CCNY: variants seen among roughly 807,000 people sequenced by gnomAD.
CCNY encodes the protein cyclin-Y.
A neutral mutation model predicts 42.8 loss-of-function variants in CCNY; 19 were observed. The observed-to-expected ratio is 0.44, with a 90% confidence interval of 0.31 to 0.65. The LOEUF (loss-of-function observed/expected upper bound fraction) is 0.65, where lower values mean the gene tolerates loss of function less well. CCNY is among the 30% of genes least tolerant of loss of function. The probability of loss-of-function intolerance (pLI) is 0.07; values close to 1 mark genes in which losing one functional copy is unlikely to be tolerated. For missense variants in CCNY, 370 were observed against 437.3 expected, an observed-to-expected ratio of 0.85 and a Z score of 1.37; for synonymous variants, 165 against 162.7, an observed-to-expected ratio of 1.01 and a Z score of -0.11.
chr10:35,324,798 C>T (rs1835860665), intron 3 of CCNY, among the ~76,000 whole-genome samples: 1 of 152,082 alleles, frequency 6.6e-6, no homozygotes, highest in Admixed American at 6.5e-5. Flanking sequence ...ATAAAAGAAA[C>T]ATTAGCCTAT....
At chr10:35,282,327 A>G (rs1000121310) in intron 3 of CCNY, among the ~76,000 whole-genome samples, 2 of 151,948 alleles carry the variant, frequency 1.3e-5, no homozygotes, top group Non-Finnish European at 2.9e-5. Context: ...GGGTCTTACT[A>G]TGTTGCCCAG....
intron 1 of CCNY, among the ~76,000 whole-genome samples, chr10:35,416,369 C>T (rs1050074196): frequency 9.9e-5 from 15 of 152,018 alleles, no homozygotes; most frequent in Admixed American, 3.3e-4. Flanking sequence ...GAGGTTGAAA[C>T]GGGAGGATTC....
chr10:35,478,195 T>A (rs1184923040), intron 1 of CCNY, among the ~76,000 whole-genome samples: 4 of 147,276 alleles, frequency 2.7e-5, no homozygotes, highest in Non-Finnish European at 6.0e-5. Flanking sequence ...ATCAATATCG[T>A]GAAAATGGCC....
intron 1 of CCNY, among the ~76,000 whole-genome samples, chr10:35,430,172 C>T (rs1392092320): frequency 1.3e-5 from 2 of 150,882 alleles, no homozygotes; most frequent in African/African-American, 4.9e-5. Flanking sequence ...CCCGTCTCTA[C>T]TAAAAATACA....
chr10:35,509,505 A>G (rs1295581851), intron 3 of CCNY, among the ~76,000 whole-genome samples: 1 of 152,072 alleles, frequency 6.6e-6, no homozygotes, highest in Non-Finnish European at 1.5e-5. Flanking sequence ...CAAACTCCTG[A>G]CCTCAAGTGA....
rs1212694982 is a variant in CCNY at position 35,483,451 on chromosome 10, A to G, written c.202A>G (p.Ile68Val). The G allele has an allele frequency of 3.7e-6, 6 of 1,609,174 alleles. No individual in the cohort carries two copies. The highest frequency in any genetic ancestry group is 1.3e-5 in the African/African-American group (1 of 74,706). ...TTCAGATCATCCTCGGGCCAGCACA[A>G]TATTCCTCAGTAAATCTCAGACGGA... ...NPSDHPRAST[I>V]FLSKSQTDVR... The change falls in exon 2 of 10, where the codon ATA (isoleucine) becomes GTA (valine). Residue 68 changes from isoleucine (I) to valine (V), a missense_variant. By Grantham distance (29) the Ile-to-Val change is conservative (BLOSUM62 3). Coordinates refer to ENST00000374704, the MANE Select transcript of CCNY (RefSeq NM_145012.6).
At chr10:35,277,099 T>C (rs1214533777) in intron 3 of CCNY, among the ~76,000 whole-genome samples, 1 of 152,198 alleles carries the variant, frequency 6.6e-6, no homozygotes, top group Admixed American at 6.6e-5. Flanking sequence ...TCCTTTGGTG[T>C]GTGCTCTCTT....
intron 1 of CCNY, among the ~76,000 whole-genome samples, chr10:35,459,557 C>CA (rs1839112437): frequency 6.6e-6 from 1 of 152,172 alleles, no homozygotes; most frequent in South Asian, 2.1e-4. Flanking sequence ...GGCATGATGA[C>CA]ACTGTTTTGA....
chr10:35,508,311 A>G (rs1381456264), intron 3 of CCNY, among the ~76,000 whole-genome samples: 3 of 152,180 alleles, frequency 2.0e-5, no homozygotes, highest in Non-Finnish European at 4.4e-5. Context: ...TACCTAGTTC[A>G]TGCTTGTGCT....
chr10:35,356,496 G>A (rs2135147325), intron 1 of CCNY, among the ~76,000 whole-genome samples: 1 of 152,288 alleles, frequency 6.6e-6, no homozygotes, highest in East Asian at 1.9e-4. Flanking sequence ...GCGCATGTTT[G>A]AGGACGTGGA....
At chr10:35,445,297 C>T (rs1838766524) in intron 1 of CCNY, among the ~76,000 whole-genome samples, 1 of 152,212 alleles carries the variant, frequency 6.6e-6, no homozygotes, top group Non-Finnish European at 1.5e-5. Flanking sequence ...CTGCCTCCCA[C>T]TCTCCACCCA....
At chr10:35,288,842 G>A (rs906570613) in intron 3 of CCNY, among the ~76,000 whole-genome samples, 1 of 152,116 alleles carries the variant, frequency 6.6e-6, no homozygotes, top group Non-Finnish European at 1.5e-5. Context: ...TCACTGCCTT[G>A]ACTATTGTAG....
At chr10:35,292,323 T>A (rs756893224) in intron 3 of CCNY, among the ~76,000 whole-genome samples, 93 of 152,294 alleles carry the variant, frequency 6.1e-4, no homozygotes, top group Middle Eastern at 3.4e-3. Flanking sequence ...ATTTTCTTGA[T>A]GGTATCTTTT....
At chr10:35,499,106 C>T (rs1394412683) in intron 2 of CCNY, among the ~76,000 whole-genome samples, 1 of 151,916 alleles carries the variant, frequency 6.6e-6, no homozygotes, top group African/African-American at 2.4e-5. Flanking sequence ...TTATAATATT[C>T]TTCTGTGTCT....
intron 7 of CCNY, among the ~76,000 whole-genome samples, chr10:35,535,029 G>GTA (rs1840855783): frequency 8.3e-6 from 1 of 120,312 alleles, no homozygotes; most frequent in Non-Finnish European, 1.8e-5. Flanking sequence ...GTGTGTGTGT[G>GTA]TGTATGTATA....
intron 3 of CCNY, among the ~76,000 whole-genome samples, chr10:35,304,307 T>A (rs540527099): frequency 0.058 from 6,277 of 108,406 alleles, 2,268 homozygotes; most frequent in African/African-American, 0.26. Context: ...TTTTTTTTTT[T>A]TTTATTTTTT....
chr10:35,470,397 A>G (rs1839368139), intron 1 of CCNY, among the ~76,000 whole-genome samples: 1 of 152,170 alleles, frequency 6.6e-6, no homozygotes, highest in African/African-American at 2.4e-5. Context: ...GTGCACAGAG[A>G]GCTGCACACA....
intron 3 of CCNY, among the ~76,000 whole-genome samples, chr10:35,251,772 A>G (rs145163986): frequency 8.5e-5 from 13 of 152,104 alleles, no homozygotes; most frequent in African/African-American, 3.1e-4. Context: ...TACTTTTTGT[A>G]GAGATGGAGT....
At chr10:35,328,293 G>A (rs183070573) in intron 3 of CCNY, among the ~76,000 whole-genome samples, 9 of 152,202 alleles carry the variant, frequency 5.9e-5, no homozygotes, top group Non-Finnish European at 5.9e-5. Context: ...CAGATGTTAC[G>A]GAACTGATCT....
Sources: gnomAD v4.1 joint callset for allele counts (sites outside exome capture counted in the v4.1 genomes callset) on GRCh38, gnomAD v4.1.1 for gene constraint, MANE v1.5 for transcripts, NCBI Gene and HGNC (gene_info 2026-07-23, HGNC 2026-07-21) for gene names.